The following PPP2R5A variants were observed in gnomAD, a reference collection of about 807,000 sequenced individuals.
PPP2R5A encodes the protein serine/threonine-protein phosphatase 2A 56 kDa regulatory subunit alpha isoform.
PPP2R5A carries 25 observed loss-of-function variants against 64.2 expected under a neutral mutation model. The ratio of observed to expected loss-of-function variants is 0.39; its 90% confidence interval spans 0.28 to 0.54. PPP2R5A has a LOEUF of 0.54. Among genes scored for constraint, PPP2R5A ranks in the 20% least tolerant of loss-of-function variants. The pLI, the probability that PPP2R5A is intolerant of heterozygous loss-of-function variation, is 0.67. For missense variants in PPP2R5A, 425 were observed against 576.3 expected (o/e 0.74, Z 2.69); for synonymous variants, 198 against 201.2 (o/e 0.98, Z 0.13).
At chr1:212,333,726 TTC>T (rs1659546706) in intron 3 of PPP2R5A, 128 bp downstream of exon 3, 1 of 503,860 alleles carries the variant, frequency 2.0e-6, no homozygotes, top group Non-Finnish European at 3.5e-6. Context: ...TAACATTATC[TTC>T]TTTCATGCAA....
chr1:212,324,643 C>A (rs11576769), intron 1 of PPP2R5A, among the ~76,000 whole-genome samples: 25,028 of 149,494 alleles, frequency 0.17, 2,500 homozygotes, highest in Middle Eastern at 0.3. Flanking sequence ...CTTGCTCTGT[C>A]CCCCAGGCTG....
chr1:212,313,550 T>A (rs150212859), intron 1 of PPP2R5A, among the ~76,000 whole-genome samples: 192 of 152,268 alleles, frequency 1.3e-3, no homozygotes, highest in African/African-American at 4.2e-3. Context: ...TACCAATTTC[T>A]TGTCCACATT....
At chr1:212,288,146 A>G (rs992730021) in intron 1 of PPP2R5A, among the ~76,000 whole-genome samples, 2 of 152,018 alleles carry the variant, frequency 1.3e-5, no homozygotes, top group Non-Finnish European at 2.9e-5. Flanking sequence ...CCTCCCAACT[A>G]GCTGGGATTA....
At chr1:212,288,383 G>A (rs939102966) in intron 1 of PPP2R5A, among the ~76,000 whole-genome samples, 1 of 152,176 alleles carries the variant, frequency 6.6e-6, no homozygotes, top group Non-Finnish European at 1.5e-5. Flanking sequence ...ATATGATGTA[G>A]GGTTCAACAA....
intron 8 of PPP2R5A, among the ~76,000 whole-genome samples, chr1:212,355,576 A>G (rs1659963614): frequency 1.3e-5 from 2 of 152,160 alleles, no homozygotes; most frequent in Non-Finnish European, 2.9e-5. Context: ...GGTTTCTGAT[A>G]AATTCTTTTA....
At chr1:212,320,017 C>T (rs377638269) in intron 1 of PPP2R5A, among the ~76,000 whole-genome samples, 1 of 143,540 alleles carries the variant, frequency 7.0e-6, no homozygotes, top group South Asian at 2.2e-4. Flanking sequence ...GGCAGGGTCA[C>T]AGGACAATAG....
At position 212,349,204 on chromosome 1, in the gene PPP2R5A, G is replaced by T. The variant is rs1659834332; in HGVS notation, c.889G>T (p.Val297Leu). ...LFHAQLAYCV[V>L]QFLEKDTTLT... ...TACCTTTTAGCTAGCATATTGTGTT[G>T]TACAGTTCCTGGAGAAAGATACAAC... is the stretch of plus-strand genomic sequence containing the variant. The change falls in exon 8 of 13, where the codon GTA becomes TTA. Residue 297 changes from valine to leucine, a missense_variant. By Grantham distance (32) the Val-to-Leu change is conservative. This residue lies in a region of PPP2R5A where 177 missense variants were observed against 244.8 expected (regional missense o/e 0.72). Transcript: ENST00000261461. The T allele has an allele frequency of 6.4e-7, 1 of 1,573,472 alleles. No individual in the cohort carries two copies. Among genetic ancestry groups the T allele is most frequent in the Non-Finnish European group, 8.7e-7 (1 of 1,151,620 alleles).
At chr1:212,324,652 T>G (rs955128247) in intron 1 of PPP2R5A, among the ~76,000 whole-genome samples, 1 of 151,794 alleles carries the variant, frequency 6.6e-6, no homozygotes, top group African/African-American at 2.4e-5. Context: ...TCCCCCAGGC[T>G]GGAGTGCAGT....
At chr1:212,338,783 T>C (rs1039466371) in intron 3 of PPP2R5A, among the ~76,000 whole-genome samples, 3 of 126,074 alleles carry the variant, frequency 2.4e-5, no homozygotes, top group Non-Finnish European at 5.2e-5. Context: ...CAAGACTCTG[T>C]CTCAAAAAAA....
intron 8 of PPP2R5A, among the ~76,000 whole-genome samples, chr1:212,351,117 A>T (rs1204665141): frequency 6.6e-6 from 1 of 151,818 alleles, no homozygotes. Flanking sequence ...AAAAAAACAA[A>T]AAAACAAAAA....
In PPP2R5A at chr1:212,286,023, G is replaced by A; in HGVS notation, c.-88G>A. On this transcript the variant is annotated 5_prime_UTR_variant, in exon 1 of 13. Coordinates refer to ENST00000261461, the MANE Select transcript of PPP2R5A (RefSeq NM_006243.4). The stretch of plus-strand genomic sequence containing the variant: ...GGGCGCAGGGGCGCGAGCACCCCGC[G>A]CCTCTCCCCCGCCTCCTCCTGCCGT... The A allele has an allele frequency of 1.5e-6, 2 of 1,346,638 alleles. No homozygotes were observed. The highest frequency in any genetic ancestry group is 1.9e-6 in the Non-Finnish European group (2 of 1,043,392). The allele number at this position is 1,346,638 out of a possible 1,614,324, so 83.4% of individuals were successfully genotyped here. A position where few individuals can be genotyped will look rare whatever the true frequency, so the allele number is the denominator to read the frequency against.
chr1:212,310,753 G>A (rs867612153), intron 1 of PPP2R5A, among the ~76,000 whole-genome samples: 1 of 152,190 alleles, frequency 6.6e-6, no homozygotes, highest in Non-Finnish European at 1.5e-5. Context: ...TGCCCCATGC[G>A]TGGAGGTTGG....
intron 8 of PPP2R5A, among the ~76,000 whole-genome samples, chr1:212,349,597 A>AACT (rs1659841681): frequency 6.6e-6 from 1 of 152,208 alleles, no homozygotes; most frequent in Admixed American, 6.5e-5. Context: ...AGGGTCCCAA[A>AACT]ACTACTACTC....
rs757246405 is a variant in PPP2R5A, at chr1:212,285,417, T to G, written c.-694T>G. On this transcript the variant is annotated 5_prime_UTR_variant, in exon 1 of 13. Coordinates refer to ENST00000261461, the MANE Select transcript of PPP2R5A (RefSeq NM_006243.4). ...CACGCGCACACACTCCCCAGTCGCC[T>G]GTACCAACCACCTTCTCAAGTTGTA... The G allele has an allele frequency of 2.6e-5, 4 of 152,140 alleles. No homozygotes were observed. The highest frequency in any genetic ancestry group is 4.4e-5 in the Non-Finnish European group (3 of 68,024). 9.4% of individuals were successfully genotyped at this position (152,140 alleles called of 1,614,324 possible). A position where few individuals can be genotyped will look rare whatever the true frequency, so the allele number is the denominator to read the frequency against.
intron 1 of PPP2R5A, among the ~76,000 whole-genome samples, chr1:212,311,010 G>A (rs959350015): frequency 2.0e-5 from 3 of 152,128 alleles, no homozygotes; most frequent in African/African-American, 7.2e-5. Flanking sequence ...GCTGCATAAC[G>A]ATGTTTTGGT....
intron 1 of PPP2R5A, among the ~76,000 whole-genome samples, chr1:212,294,994 A>G (rs755165417): frequency 3.9e-5 from 6 of 152,230 alleles, no homozygotes; most frequent in Admixed American, 6.5e-5. Flanking sequence ...AGCAGTTTAC[A>G]TAGCTGTGAT....
At chr1:212,315,748 TTG>T (rs1208253055) in intron 1 of PPP2R5A, among the ~76,000 whole-genome samples, 4 of 152,208 alleles carry the variant, frequency 2.6e-5, no homozygotes, top group African/African-American at 9.7e-5. Context: ...TTCCCAGATA[TTG>T]TGTGTTTTAT....
chr1:212,351,059 A>T (rs1029399745), intron 8 of PPP2R5A, among the ~76,000 whole-genome samples: 1 of 150,836 alleles, frequency 6.6e-6, no homozygotes, highest in Non-Finnish European at 1.5e-5. Flanking sequence ...CACAAGAATC[A>T]CTTGAACCCT....
intron 11 of PPP2R5A, 51 bp downstream of exon 11, chr1:212,357,335 C>A (rs977331504): frequency 2.2e-6 from 3 of 1,338,282 alleles, no homozygotes; most frequent in African/African-American, 1.6e-5. Flanking sequence ...TTTTTTATAT[C>A]TTTTTGTTAT....
Sources: allele counts gnomAD v4.1 joint callset (sites outside exome capture counted in the v4.1 genomes callset), GRCh38; gene constraint gnomAD v4.1.1; regional missense constraint gnomAD v4.1.1; transcripts MANE v1.5; gene names NCBI Gene and HGNC (gene_info 2026-07-23, HGNC 2026-07-21).